CDK5RAP2: variants seen among roughly 807,000 people sequenced by gnomAD.
The protein encoded by CDK5RAP2 is CDK5 regulatory subunit-associated protein 2.
In CDK5RAP2, 147 loss-of-function variants were observed where a neutral mutation model predicts 232.9. The ratio of observed to expected loss-of-function variants is 0.63; its 90% CI spans 0.55 to 0.72. CDK5RAP2 has a LOEUF of 0.72. Among genes scored for constraint, CDK5RAP2 ranks in the 30% least tolerant of loss-of-function variants. The pLI, the probability that CDK5RAP2 is intolerant of heterozygous loss-of-function variation, is 0.00. For synonymous variants in CDK5RAP2, 833 were observed against 833.7 expected (o/e 1.00, Z 0.01); for missense variants, 2,195 against 2,231.5 (o/e 0.98, Z 0.33).
intron 4 of CDK5RAP2, 67 bp downstream of exon 4, chr9:120,550,724 TC>T: frequency 2.2e-6 from 2 of 915,686 alleles, no homozygotes; most frequent in South Asian, 2.6e-5. Flanking sequence ...CAAATATTAA[TC>T]AAATTTCTGC....
intron 3 of CDK5RAP2, among the ~76,000 whole-genome samples, chr9:120,551,630 T>A (rs1374764291): frequency 6.6e-6 from 1 of 152,188 alleles, no homozygotes; most frequent in African/African-American, 2.4e-5. Context: ...ACAACAGAAC[T>A]GAACTCTTCA....
At chr9:120,491,588 A>G (rs978696171) in intron 12 of CDK5RAP2, 111 bp from the exon 13 acceptor site, 8 of 729,020 alleles carry the variant, frequency 1.1e-5, no homozygotes, top group African/African-American at 1.8e-5. Flanking sequence ...GATGTATTTA[A>G]GGGAGTATAC....
chr9:120,433,491 G>A (rs180833446), intron 25 of CDK5RAP2, among the ~76,000 whole-genome samples: 83 of 152,310 alleles, frequency 5.4e-4, no homozygotes, highest in Non-Finnish European at 9.0e-4. Flanking sequence ...AAGAAACTGA[G>A]GCAAGGAATT....
intron 12 of CDK5RAP2, among the ~76,000 whole-genome samples, chr9:120,496,335 G>A (rs1321889416): frequency 7.7e-5 from 11 of 142,018 alleles, no homozygotes; most frequent in Admixed American, 1.3e-4. Context: ...GGAGGTGGGG[G>A]GGTCAGCCCC....
At chr9:120,427,621 A>T (rs1160057816) in intron 25 of CDK5RAP2, among the ~76,000 whole-genome samples, 1 of 152,204 alleles carries the variant, frequency 6.6e-6, no homozygotes, top group African/African-American at 2.4e-5. Flanking sequence ...GGAAAGAATA[A>T]ATTTTGCTTC....
At chr9:120,451,097 T>G (rs906385329) in intron 21 of CDK5RAP2, among the ~76,000 whole-genome samples, 2 of 152,234 alleles carry the variant, frequency 1.3e-5, no homozygotes, top group Admixed American at 1.3e-4. Flanking sequence ...TATCTGCAAG[T>G]GCACAAATGC....
At chr9:120,478,497 C>T (rs1272750674) in intron 14 of CDK5RAP2, among the ~76,000 whole-genome samples, 1 of 152,170 alleles carries the variant, frequency 6.6e-6, no homozygotes, top group Admixed American at 6.5e-5. Flanking sequence ...CCTGGCCAGG[C>T]ACAGCGGCTC....
intron 32 of CDK5RAP2, among the ~76,000 whole-genome samples, chr9:120,404,626 G>A (rs1199816716): frequency 1.3e-5 from 2 of 152,200 alleles, no homozygotes; most frequent in Admixed American, 6.5e-5. Flanking sequence ...GTGCAGGGAA[G>A]GACAAAGTAG....
At chr9:120,480,458 T>C (rs1462064004) in intron 14 of CDK5RAP2, among the ~76,000 whole-genome samples, 1 of 152,228 alleles carries the variant, frequency 6.6e-6, no homozygotes, top group Non-Finnish European at 1.5e-5. Context: ...TTTGTATATG[T>C]TGCAGATATC....
At chr9:120,396,348 C>T (rs1174431590) in intron 35 of CDK5RAP2, among the ~76,000 whole-genome samples, 1 of 152,234 alleles carries the variant, frequency 6.6e-6, no homozygotes, top group Non-Finnish European at 1.5e-5. Context: ...ACAGTCAACG[C>T]CTTAGTCCCA....
chr9:120,526,204 T>C (rs540880458), intron 10 of CDK5RAP2, among the ~76,000 whole-genome samples: 1 of 152,210 alleles, frequency 6.6e-6, no homozygotes, highest in Non-Finnish European at 1.5e-5. Context: ...TCTTCAGGAC[T>C]GAGCTCTCTC....
chr9:120,515,525 G>GTATGAC (rs2040293732), intron 12 of CDK5RAP2, among the ~76,000 whole-genome samples: 1 of 152,150 alleles, frequency 6.6e-6, no homozygotes, highest in African/African-American at 2.4e-5. Flanking sequence ...GATACATTTT[G>GTATGAC]TGTTCAATAA....
intron 29 of CDK5RAP2, among the ~76,000 whole-genome samples, chr9:120,410,842 A>C (rs1443511582): frequency 6.6e-6 from 1 of 152,228 alleles, no homozygotes; most frequent in Non-Finnish European, 1.5e-5. Context: ...CTCATCCCAG[A>C]ACTGTTTTCA....
intron 20 of CDK5RAP2, among the ~76,000 whole-genome samples, chr9:120,454,423 T>C (rs550886423): frequency 1.4e-4 from 21 of 152,372 alleles, no homozygotes; most frequent in African/African-American, 5.0e-4. Flanking sequence ...GCATTGGCTC[T>C]GAAGATGGAT....
intron 2 of CDK5RAP2, chr9:120,571,707 A>G (rs1029296929): frequency 1.2e-4 from 53 of 447,546 alleles, no homozygotes; most frequent in African/African-American, 9.2e-4. Flanking sequence ...TGTTCAGTTC[A>G]GCAAACGCTC....
intron 14 of CDK5RAP2, among the ~76,000 whole-genome samples, chr9:120,485,432 T>G (rs2038548244): frequency 2.0e-5 from 3 of 151,948 alleles, no homozygotes; most frequent in Non-Finnish European, 2.9e-5. Flanking sequence ...GTAGCTGGGA[T>G]TACAGGCATG....
chr9:120,453,406 T>C, intron 21 of CDK5RAP2, 50 bp downstream of exon 21: 2 of 1,538,322 alleles, frequency 1.3e-6, no homozygotes, highest in Non-Finnish European at 1.8e-6. Flanking sequence ...ATTTTTAAAG[T>C]TTTTTGTTTG....
chr9:120,443,463 T>C (rs754524819), intron 23 of CDK5RAP2, among the ~76,000 whole-genome samples, 157 bp downstream of exon 23: 3 of 152,180 alleles, frequency 2.0e-5, no homozygotes, highest in South Asian at 2.1e-4. Context: ...CCTGGGTCAA[T>C]TATTTCTTAA....
intron 3 of CDK5RAP2, among the ~76,000 whole-genome samples, chr9:120,567,961 C>T (rs1279378548): frequency 6.6e-6 from 1 of 152,114 alleles, no homozygotes; most frequent in Non-Finnish European, 1.5e-5. Context: ...AAATAACATG[C>T]CTTATAGTAA....
Sources: gnomAD v4.1 joint callset for allele counts (sites outside exome capture counted in the v4.1 genomes callset) on GRCh38, gnomAD v4.1.1 for gene constraint, MANE v1.5 for transcripts, NCBI Gene and HGNC (gene_info 2026-07-23, HGNC 2026-07-21) for gene names.